The following MDFIC2 variants were observed in gnomAD, a reference collection of about 807,000 sequenced individuals.
MDFIC2 encodes the protein MyoD family inhibitor domain containing 2.
chr3:70,277,927 T>C (rs1404407593), intron 2 of MDFIC2, among the ~76,000 whole-genome samples: 2 of 152,164 alleles, frequency 1.3e-5, no homozygotes, highest in Non-Finnish European at 2.9e-5. Flanking sequence ...CAGATTTCAT[T>C]AGCCCTCTCA....
chr3:70,293,443 T>C (rs1054385139), intron 2 of MDFIC2, among the ~76,000 whole-genome samples: 16 of 152,120 alleles, frequency 1.1e-4, no homozygotes, highest in African/African-American at 3.9e-4. Flanking sequence ...TAAATAGATA[T>C]GAAAATATCT....
chr3:70,222,289 G>T (rs1254606285), intron 2 of MDFIC2, among the ~76,000 whole-genome samples: 4 of 152,098 alleles, frequency 2.6e-5, no homozygotes, highest in Non-Finnish European at 5.9e-5. Flanking sequence ...GAAACTTCAG[G>T]TCCTCTACTT....
intron 2 of MDFIC2, among the ~76,000 whole-genome samples, chr3:70,237,136 A>G (rs1701617932): frequency 6.6e-6 from 1 of 152,168 alleles, no homozygotes; most frequent in Non-Finnish European, 1.5e-5. Flanking sequence ...GAACATTTGC[A>G]TATCTGGTTT....
At chr3:70,296,819 C>A (rs1702293683) in intron 2 of MDFIC2, among the ~76,000 whole-genome samples, 1 of 152,092 alleles carries the variant, frequency 6.6e-6, no homozygotes, top group African/African-American at 2.4e-5. Context: ...CACACTGTAG[C>A]TGGAGTGGTT....
intron 2 of MDFIC2, among the ~76,000 whole-genome samples, chr3:70,252,336 C>A (rs892061522): frequency 2.6e-5 from 4 of 152,128 alleles, no homozygotes; most frequent in Admixed American, 6.5e-5. Context: ...CTCCCATAAG[C>A]CTTTCATAGG....
chr3:70,277,408 C>T (rs1204465560), intron 2 of MDFIC2, among the ~76,000 whole-genome samples: 3 of 152,148 alleles, frequency 2.0e-5, no homozygotes, highest in Non-Finnish European at 4.4e-5. Flanking sequence ...GATTATTTGT[C>T]AAAGTCACAC....
At chr3:70,220,293 C>T (rs1380092602) in intron 2 of MDFIC2, among the ~76,000 whole-genome samples, 2 of 152,018 alleles carry the variant, frequency 1.3e-5, no homozygotes, top group Admixed American at 6.6e-5. Flanking sequence ...AGGCTAGGCT[C>T]AGTGTCTCAT....
At chr3:70,224,765 C>G (rs1192752209) in intron 2 of MDFIC2, among the ~76,000 whole-genome samples, 1 of 151,934 alleles carries the variant, frequency 6.6e-6, no homozygotes, top group Non-Finnish European at 1.5e-5. Context: ...AATGCTATTT[C>G]CAATTTTGCG....
rs770561170 is a variant in MDFIC2 at position 70,197,039 on chromosome 3, G to T, written c.457C>A (p.Arg153=). 10 of 398,440 alleles carry T rather than the reference G, an allele frequency of 2.5e-5. No individual in the cohort carries two copies. The highest frequency in any genetic ancestry group is 4.4e-5 in the Admixed American group (1 of 22,700). The allele number at this position is 398,440 out of a possible 1,614,324, so 24.7% of individuals were successfully genotyped here. A position where few individuals can be genotyped will look rare whatever the true frequency, so the allele number is the denominator to read the frequency against. ...YHHTSDENHS[R]NDCSCNCDMD... Reference sequence around the variant, plus strand: ...TCACAATTGCAGCTGCAATCATTCCGAGAGTGGTTTTCATCCGAGGTGTGG... The same window carrying T: ...TCACAATTGCAGCTGCAATCATTCCTAGAGTGGTTTTCATCCGAGGTGTGG... The change falls in exon 4 of 4, where the codon CGG becomes AGG. Residue 153 remains arginine (R), a synonymous_variant. Transcript: ENST00000567252.
At chr3:70,214,119 T>G (rs773566423) in intron 2 of MDFIC2, among the ~76,000 whole-genome samples, 1 of 152,136 alleles carries the variant, frequency 6.6e-6, no homozygotes, top group Non-Finnish European at 1.5e-5. Context: ...TATGGAGTAT[T>G]CAATTGCTAC....
intron 2 of MDFIC2, among the ~76,000 whole-genome samples, chr3:70,264,913 G>A (rs888799077): frequency 2.0e-5 from 3 of 152,196 alleles, no homozygotes; most frequent in African/African-American, 7.2e-5. Flanking sequence ...TTGACTCATA[G>A]TTCCACATGG....
chr3:70,227,055 A>T (rs1701514828), intron 2 of MDFIC2, among the ~76,000 whole-genome samples: 1 of 152,194 alleles, frequency 6.6e-6, no homozygotes, highest in Non-Finnish European at 1.5e-5. Flanking sequence ...CCATATGCAG[A>T]CATATGATAT....
intron 2 of MDFIC2, among the ~76,000 whole-genome samples, chr3:70,214,208 T>A (rs1271667287): frequency 6.6e-6 from 1 of 152,090 alleles, no homozygotes; most frequent in Non-Finnish European, 1.5e-5. Flanking sequence ...GATACATATA[T>A]TTGACATTTT....
intron 2 of MDFIC2, among the ~76,000 whole-genome samples, chr3:70,245,636 A>G (rs998459868): frequency 1.3e-4 from 19 of 144,406 alleles, no homozygotes; most frequent in African/African-American, 4.8e-4. Context: ...AGAAATCAGA[A>G]TATGGATTCT....
intron 2 of MDFIC2, among the ~76,000 whole-genome samples, chr3:70,251,040 A>G (rs1038746207): frequency 1.3e-5 from 2 of 152,238 alleles, no homozygotes; most frequent in African/African-American, 4.8e-5. Context: ...AGAGAGACTT[A>G]GAGAATATGC....
intron 2 of MDFIC2, among the ~76,000 whole-genome samples, chr3:70,211,488 C>T (rs1252317000): frequency 3.5e-5 from 2 of 56,828 alleles, no homozygotes; most frequent in African/African-American, 1.1e-4. Context: ...CTTCCTTTCC[C>T]TTCCCTTCCC....
intron 2 of MDFIC2, among the ~76,000 whole-genome samples, chr3:70,217,326 G>A (rs1448382864): frequency 6.6e-6 from 1 of 152,090 alleles, no homozygotes; most frequent in South Asian, 2.1e-4. Context: ...AATAAGCATT[G>A]TTGTCATGAT....
intron 2 of MDFIC2, among the ~76,000 whole-genome samples, chr3:70,288,147 T>G (rs1023533091): frequency 1.4e-5 from 2 of 145,228 alleles, no homozygotes; most frequent in Non-Finnish European, 3.0e-5. Flanking sequence ...TTAATTGTGA[T>G]GTTAGGGTGT....
At chr3:70,204,709 G>A (rs1701274072) in intron 3 of MDFIC2, 1 of 150,736 alleles carries the variant, frequency 6.6e-6, no homozygotes, top group African/African-American at 2.4e-5. Context: ...TTTTAATGAA[G>A]TAGTGATTTG....
Sources: gnomAD v4.1 joint callset for allele counts (sites outside exome capture counted in the v4.1 genomes callset) on GRCh38, gnomAD v4.1.1 for gene constraint, MANE v1.5 for transcripts, NCBI Gene and HGNC (gene_info 2026-07-23, HGNC 2026-07-21) for gene names.